Variants in RBFOX1 observed in about 807,000 individuals in gnomAD.
RBFOX1 encodes the protein RNA binding protein fox-1 homolog 1.
Under a neutral mutation model 57.7 loss-of-function variants are expected in RBFOX1, and 8 were observed. That is an observed-to-expected ratio of 0.14 (90% CI 0.08 to 0.25). The LOEUF (loss-of-function observed/expected upper bound fraction) is 0.25. Ranked by LOEUF, RBFOX1 falls within the 10% of genes least tolerant of loss-of-function variation. The pLI, the probability that RBFOX1 is intolerant of heterozygous loss-of-function variation, is 1.00. For missense variants in RBFOX1, 611 were observed against 548.5 expected (o/e 1.11, Z -1.14); for synonymous variants, 326 against 222.4 (o/e 1.47, Z -4.15).
chr16:5,419,960 C>T (rs1350522620), intron 1 of RBFOX1, among the ~76,000 whole-genome samples: 1 of 152,116 alleles, frequency 6.6e-6, no homozygotes, highest in East Asian at 1.9e-4. Flanking sequence ...AGGGTCTTTG[C>T]TGGTGTCTGC....
chr16:6,654,352 T>C (rs1476944027), intron 2 of RBFOX1, among the ~76,000 whole-genome samples: 3 of 152,228 alleles, frequency 2.0e-5, no homozygotes, highest in Non-Finnish European at 1.5e-5. Flanking sequence ...CTCTGATCCA[T>C]AGCCTTTGCC....
At chr16:7,337,934 TG>T (rs1290880925) in intron 4 of RBFOX1, among the ~76,000 whole-genome samples, 1 of 152,222 alleles carries the variant, frequency 6.6e-6, no homozygotes, top group East Asian at 1.9e-4. Flanking sequence ...CTGCCCGCCT[TG>T]GCCTCCCAGA....
intron 4 of RBFOX1, among the ~76,000 whole-genome samples, chr16:5,873,497 G>T (rs764716978): frequency 1.3e-5 from 2 of 152,202 alleles, no homozygotes; most frequent in African/African-American, 2.4e-5. Flanking sequence ...CAATCATGTG[G>T]TCTTAATTCA....
At chr16:7,135,652 G>A (rs1271376260) in intron 4 of RBFOX1, among the ~76,000 whole-genome samples, 1 of 152,256 alleles carries the variant, frequency 6.6e-6, no homozygotes, top group Admixed American at 6.5e-5. Context: ...CATCCCTGAA[G>A]AATATTGAGG....
intron 3 of RBFOX1, among the ~76,000 whole-genome samples, chr16:6,884,911 A>AAC (rs1197698991): frequency 6.6e-6 from 1 of 152,118 alleles, no homozygotes; most frequent in East Asian, 1.9e-4. Context: ...CAAACAAACA[A>AAC]AACAAAAAAA....
intron 1 of RBFOX1, among the ~76,000 whole-genome samples, chr16:6,144,645 C>T (rs1019045058): frequency 6.6e-5 from 10 of 152,238 alleles, no homozygotes; most frequent in African/African-American, 2.4e-4. Flanking sequence ...GCAGCTTCTG[C>T]CCACATCAGT....
At chr16:7,518,061 G>A (rs868452870) in intron 4 of RBFOX1, 86 bp from the exon 5 acceptor site, 1 of 1,499,192 alleles carries the variant, frequency 6.7e-7, no homozygotes, top group South Asian at 1.3e-5. Flanking sequence ...CGCGGGGCAC[G>A]ATCGTCCTGG....
chr16:7,062,526 G>A (rs1310782194), intron 4 of RBFOX1, among the ~76,000 whole-genome samples: 1 of 151,950 alleles, frequency 6.6e-6, no homozygotes, highest in Non-Finnish European at 1.5e-5. Flanking sequence ...TCTGCCTATG[G>A]TAGCTAGTAC....
intron 14 of RBFOX1, among the ~76,000 whole-genome samples, chr16:7,690,187 A>G (rs2077015849): frequency 1.3e-5 from 2 of 152,120 alleles, no homozygotes; most frequent in Admixed American, 6.6e-5. Flanking sequence ...CCCCAGATCA[A>G]TTAAAGCAGA....
At chr16:5,901,467 C>T (rs780259689) in intron 4 of RBFOX1, among the ~76,000 whole-genome samples, 10 of 152,108 alleles carry the variant, frequency 6.6e-5, no homozygotes, top group South Asian at 2.1e-4. Flanking sequence ...TCATTTGTTC[C>T]GAAGGTTTGC....
chr16:5,280,207 C>T (rs2063237989), intron 1 of RBFOX1, among the ~76,000 whole-genome samples: 1 of 152,106 alleles, frequency 6.6e-6, no homozygotes, highest in African/African-American at 2.4e-5. Flanking sequence ...TAGTTTTTGC[C>T]TTTCATCTTG....
intron 4 of RBFOX1, among the ~76,000 whole-genome samples, chr16:7,160,933 A>T (rs1273728300): frequency 6.6e-6 from 1 of 151,966 alleles, no homozygotes; most frequent in African/African-American, 2.4e-5. Flanking sequence ...ACTTATGTGT[A>T]GCTAATACCA....
At chr16:6,203,268 A>T (rs895836927) in intron 1 of RBFOX1, among the ~76,000 whole-genome samples, 1 of 152,110 alleles carries the variant, frequency 6.6e-6, no homozygotes, top group African/African-American at 2.4e-5. Flanking sequence ...TCTCCAACCC[A>T]TGGCAACCAC....
intron 4 of RBFOX1, among the ~76,000 whole-genome samples, chr16:7,239,275 G>C (rs1341934702): frequency 6.6e-6 from 1 of 152,134 alleles, no homozygotes; most frequent in African/African-American, 2.4e-5. Flanking sequence ...AAGGAGGGTA[G>C]ATCATTTGAG....
At chr16:6,314,287 T>C (rs1268103405) in intron 1 of RBFOX1, among the ~76,000 whole-genome samples, 3 of 152,140 alleles carry the variant, frequency 2.0e-5, no homozygotes, top group Non-Finnish European at 2.9e-5. Context: ...ATAGTTACAG[T>C]GTTGAATTAA....
intron 4 of RBFOX1, among the ~76,000 whole-genome samples, chr16:7,178,263 C>A (rs190416763): frequency 6.6e-6 from 1 of 152,228 alleles, no homozygotes; most frequent in East Asian, 1.9e-4. Context: ...ATCAGCCTGT[C>A]GCTTTAGTTT....
intron 2 of RBFOX1, among the ~76,000 whole-genome samples, chr16:5,562,319 C>T (rs374914567): frequency 1.3e-5 from 2 of 152,112 alleles, no homozygotes; most frequent in South Asian, 2.1e-4. Flanking sequence ...GACAGCTGCC[C>T]GAGAAAGCTG....
intron 3 of RBFOX1, among the ~76,000 whole-genome samples, chr16:7,050,393 G>C (rs1021198470): frequency 6.6e-6 from 1 of 151,812 alleles, no homozygotes; most frequent in African/African-American, 2.4e-5. Context: ...AGCCAACTGA[G>C]TAGCTGGGAT....
chr16:7,119,994 G>C (rs780070852), intron 4 of RBFOX1, among the ~76,000 whole-genome samples: 2 of 151,766 alleles, frequency 1.3e-5, no homozygotes, highest in Non-Finnish European at 2.9e-5. Context: ...AAATCATATA[G>C]TTGCTTTCCT....
Sources: gnomAD v4.1 joint callset for allele counts (sites outside exome capture counted in the v4.1 genomes callset) on GRCh38, gnomAD v4.1.1 for gene constraint, MANE v1.5 for transcripts, NCBI Gene and HGNC (gene_info 2026-07-23, HGNC 2026-07-21) for gene names.